The following AQP9 variants were observed in gnomAD, a reference collection of about 807,000 sequenced individuals.
AQP9 encodes the protein aquaporin-9.
Under a neutral mutation model 23.8 loss-of-function variants are expected in AQP9, and 19 were observed. That is an observed-to-expected ratio of 0.80 (90% CI 0.56 to 1.17). The LOEUF (loss-of-function observed/expected upper bound fraction) is 1.17, where lower values mean the gene tolerates loss of function less well. Ranked by LOEUF, AQP9 falls within the 50% of genes most tolerant of loss-of-function variation. AQP9 has a pLI of 0.00. For synonymous variants in AQP9, 153 were observed against 131.5 expected, an observed-to-expected ratio of 1.16 and a Z score of -1.12; for missense variants, 413 against 362.0, an observed-to-expected ratio of 1.14 and a Z score of -1.14.
chr15:58,171,564 T>C (rs1898622400), intron 2 of AQP9, among the ~76,000 whole-genome samples: 1 of 152,196 alleles, frequency 6.6e-6, no homozygotes, highest in Non-Finnish European at 1.5e-5. Flanking sequence ...ACTGTGGCTT[T>C]CCTGGATTTG....
chr15:58,148,786 T>G (rs1161737271), intron 1 of AQP9, among the ~76,000 whole-genome samples: 1 of 152,152 alleles, frequency 6.6e-6, no homozygotes, highest in Non-Finnish European at 1.5e-5. Flanking sequence ...ATAGTGGAGT[T>G]CAATCACCTC....
rs1383005615 is a variant in AQP9 at position 58,151,944 on chromosome 15, T to TTATGACAAGCTCTATTTGTC, written c.111+13277_111+13296dup. ...TTCCTCATATCCTTATGGGAAATAG[T>TTATGACAAGCTCTATTTGTC]TATGACAAGCTCTATTTGTCTATGA... On this transcript the variant is annotated intron_variant, in intron 1 of 5. Transcript: ENST00000219919. The TTATGACAAGCTCTATTTGTC allele has an allele frequency of 3.9e-5, 6 of 152,280 alleles. No homozygotes were observed. The East Asian group carries it at 1.2e-3, about 29-fold the overall frequency. The allele number at this position is 152,280 out of a possible 1,614,324, so 9.4% of individuals were successfully genotyped here.
chr15:58,179,115 T>C lies in AQP9; in HGVS notation c.496-13T>C, dbSNP rs779439918. 6.3e-7 allele frequency: 1 copy of C among 1,585,056 alleles called. No individual in the cohort carries two copies. Among genetic ancestry groups the C allele is most frequent in the East Asian group, 2.2e-5 (1 of 44,736 alleles). On this transcript the variant is annotated splice_polypyrimidine_tract_variant and intron_variant, in intron 4 of 5. Transcript: ENST00000219919. ...TGCAGGCTAAAGCCCTGGCTCAACT[T>C]CTCCCTCTCCAGGTGGTGGCCACCA...
intron 1 of AQP9, among the ~76,000 whole-genome samples, chr15:58,141,863 A>C (rs1450267072): frequency 2.0e-5 from 3 of 152,220 alleles, no homozygotes; most frequent in Non-Finnish European, 4.4e-5. Context: ...CTTTTGAGAC[A>C]AAAGAATCTA....
intron 5 of AQP9, 136 bp downstream of exon 5, chr15:58,179,481 A>G (rs2140633956): frequency 1.4e-6 from 1 of 716,212 alleles, no homozygotes; most frequent in Admixed American, 2.7e-5. Context: ...CATAAGCATG[A>G]GACATTTCAC....
intron 1 of AQP9, among the ~76,000 whole-genome samples, chr15:58,147,536 C>T (rs1039714132): frequency 2.6e-5 from 4 of 152,152 alleles, no homozygotes; most frequent in East Asian, 3.9e-4. Context: ...CAAAGTGTGC[C>T]GGCCCTGCCC....
chr15:58,144,817 C>A (rs1394380327), intron 1 of AQP9, among the ~76,000 whole-genome samples: 1 of 151,642 alleles, frequency 6.6e-6, no homozygotes. Context: ...AGTTCCAGAC[C>A]AGCCTGGTCA....
chr15:58,174,494 G>C (rs1048998218), intron 3 of AQP9, among the ~76,000 whole-genome samples: 2 of 152,088 alleles, frequency 1.3e-5, no homozygotes, highest in African/African-American at 4.8e-5. Flanking sequence ...GGCTCTAAGG[G>C]CATCTTCAGT....
At chr15:58,159,911 G>A (rs1230491484) in intron 1 of AQP9, among the ~76,000 whole-genome samples, 3 of 152,120 alleles carry the variant, frequency 2.0e-5, no homozygotes, top group Admixed American at 1.3e-4. Context: ...AATCTGGTTT[G>A]TGGGCATTTA....
intron 4 of AQP9, among the ~76,000 whole-genome samples, chr15:58,176,036 T>C (rs1898746292): frequency 6.6e-6 from 1 of 152,220 alleles, no homozygotes; most frequent in Non-Finnish European, 1.5e-5. Flanking sequence ...CTGCGTGGCT[T>C]CAGCAAAGTA....
chr15:58,166,981 C>G (rs1566987413), intron 2 of AQP9, among the ~76,000 whole-genome samples, 182 bp downstream of exon 2: 1 of 152,208 alleles, frequency 6.6e-6, no homozygotes, highest in African/African-American at 2.4e-5. Flanking sequence ...ACTTATTATG[C>G]AAAGGCAACA....
rs1379734985 is a variant in AQP9, at chr15:58,138,499, G to C, written c.-67G>C. ...TTGTCAAAACGTCCATTTTCATCTGGCTGTGAAAGTGAGGACCACAACAGG... is the reference window on the plus strand; with the variant it reads ...TTGTCAAAACGTCCATTTTCATCTGCCTGTGAAAGTGAGGACCACAACAGG... On this transcript the variant is annotated 5_prime_UTR_variant, in exon 1 of 6. Transcript: ENST00000219919. The C allele has an allele frequency of 1.0e-5, 13 of 1,272,304 alleles. No homozygotes were observed. Among genetic ancestry groups the C allele is most frequent in the Non-Finnish European group, 1.5e-5 (13 of 890,510 alleles). The allele number at this position is 1,272,304 out of a possible 1,614,324, so 78.8% of individuals were successfully genotyped here. A position where few individuals can be genotyped will look rare whatever the true frequency, so the allele number is the denominator to read the frequency against.
chr15:58,168,021 T>G (rs867206623), intron 2 of AQP9, among the ~76,000 whole-genome samples: 2 of 149,858 alleles, frequency 1.3e-5, no homozygotes, highest in African/African-American at 4.9e-5. Flanking sequence ...CACCGCACCC[T>G]GCCTGTTTTT....
At position 58,185,272 on chromosome 15, in the gene AQP9, A is replaced by C. The variant is rs1898998914; in HGVS notation, c.*1137A>C. ...CTGAAAGTTGAATGTTATCTAATGC[A>C]TTCCTCTACCTTTCAGAAGATCAGT... is the stretch of plus-strand genomic sequence containing the variant. On this transcript the variant is annotated 3_prime_UTR_variant, in exon 6 of 6. Transcript: ENST00000219919. 2 of 152,672 alleles carry C rather than the reference A, an allele frequency of 1.3e-5. No homozygotes were observed. The allele number at this position is 152,672 out of a possible 1,614,324, so 9.5% of individuals were successfully genotyped here. A position where few individuals can be genotyped will look rare whatever the true frequency, so the allele number is the denominator to read the frequency against.
chr15:58,176,379 G>A (rs8027681), intron 4 of AQP9, among the ~76,000 whole-genome samples: 2 of 151,696 alleles, frequency 1.3e-5, no homozygotes, highest in African/African-American at 2.4e-5. Context: ...TTAGCCATGC[G>A]TGGTGGTGCT....
chr15:58,182,299 A>G (rs1328934018), intron 5 of AQP9, among the ~76,000 whole-genome samples: 1 of 152,154 alleles, frequency 6.6e-6, no homozygotes, highest in Non-Finnish European at 1.5e-5. Context: ...TAACATACAC[A>G]TGTTCCTGGC....
At chr15:58,166,862 C>T (rs993858403) in intron 2 of AQP9, 63 bp downstream of exon 2, 2 of 1,537,490 alleles carry the variant, frequency 1.3e-6, no homozygotes, top group African/African-American at 1.4e-5. Context: ...CCGCACAGTG[C>T]TGGCTGCTTC....
intron 5 of AQP9, among the ~76,000 whole-genome samples, chr15:58,182,499 C>T (rs56141765): frequency 0.15 from 22,288 of 152,192 alleles, 1,723 homozygotes; most frequent in Non-Finnish European, 0.17. Flanking sequence ...GGACCTTCAT[C>T]TGCTAAATGA....
Position 58,164,989 on chromosome 15 carries a change from C to T in AQP9, c.112-1684C>T, listed in dbSNP as rs557664088. Among the ~76,000 whole-genome samples the T allele has an allele frequency of 1.2e-4, 19 of 152,298 alleles. No homozygotes were observed. The East Asian group carries it at 3.3e-3, about 26-fold the overall frequency. On this transcript the variant is annotated intron_variant, in intron 1 of 5. Coordinates refer to ENST00000219919, the MANE Select transcript of AQP9 (RefSeq NM_020980.5). ...TTATCTTCCTGATAAAAAGCCTTCA[C>T]ATTGTTAATCTCTTTTTCCAAAAAT... is the stretch of plus-strand genomic sequence containing the variant.
Sources: gnomAD v4.1 joint callset for allele counts (sites outside exome capture counted in the v4.1 genomes callset) on GRCh38, gnomAD v4.1.1 for gene constraint, MANE v1.5 for transcripts, NCBI Gene and HGNC (gene_info 2026-07-23, HGNC 2026-07-21) for gene names.